The following ZNF536 variants were observed in gnomAD, a reference collection of about 807,000 sequenced individuals.
ZNF536 encodes zinc finger protein 536.
A neutral mutation model predicts 84.5 loss-of-function variants in ZNF536; 13 were observed. The observed-to-expected ratio is 0.15, with a 90% CI of 0.10 to 0.24. The LOEUF (loss-of-function observed/expected upper bound fraction) is 0.24. Among genes scored for constraint, ZNF536 ranks in the 10% least tolerant of loss-of-function variants. The probability of loss-of-function intolerance (pLI) is 1.00; values close to 1 mark genes in which losing one functional copy is unlikely to be tolerated. For synonymous variants in ZNF536, 811 were observed against 742.5 expected (o/e 1.09, Z -1.50); for missense variants, 1,536 against 1,747.5 (o/e 0.88, Z 2.16).
At chr19:30,404,482 C>G (rs958550743) in intron 1 of ZNF536, among the ~76,000 whole-genome samples, 1 of 152,174 alleles carries the variant, frequency 6.6e-6, no homozygotes, top group Non-Finnish European at 1.5e-5. Context: ...AAACTTTAGG[C>G]AAGTTATTTA....
chr19:30,287,069 G>T (rs1034871539), intron 2 of ZNF536, among the ~76,000 whole-genome samples: 21 of 152,202 alleles, frequency 1.4e-4, no homozygotes, highest in African/African-American at 5.1e-4. Context: ...CTCTCCTACT[G>T]CGACGTAAGA....
intron 1 of ZNF536, among the ~76,000 whole-genome samples, chr19:30,628,998 T>C (rs1032295989): frequency 1.1e-4 from 16 of 152,184 alleles, no homozygotes; most frequent in African/African-American, 3.6e-4. Context: ...CCACTGCGCC[T>C]GGCCCAGGAG....
At chr19:30,247,698 A>G (rs2024360133) in intron 1 of ZNF536, among the ~76,000 whole-genome samples, 2 of 152,106 alleles carry the variant, frequency 1.3e-5, no homozygotes, top group Non-Finnish European at 2.9e-5. Context: ...GTGTGGTGGT[A>G]TACACCTTTA....
intron 1 of ZNF536, among the ~76,000 whole-genome samples, chr19:30,386,400 A>G: frequency 6.6e-6 from 1 of 152,062 alleles, no homozygotes; most frequent in East Asian, 1.9e-4. Flanking sequence ...TTTTTGAGAT[A>G]GGGTCTCACT....
chr19:30,526,596 C>T (rs982226299), intron 2 of ZNF536, among the ~76,000 whole-genome samples: 8 of 144,064 alleles, frequency 5.6e-5, no homozygotes, highest in South Asian at 2.2e-4. Flanking sequence ...TAGTGGCGGG[C>T]GCCTGTAGTC....
chr19:30,545,385 CTTTTTTTTTTTTTT>C (rs772761287), intron 3 of ZNF536, among the ~76,000 whole-genome samples: 9 of 67,678 alleles, frequency 1.3e-4, no homozygotes, highest in East Asian at 4.7e-4. Context: ...TCCCATATGT[CTTTTTTTTTTTTTT>C]TTTTTTTTTT....
chr19:30,379,192 C>T (rs773926821), intron 1 of ZNF536, among the ~76,000 whole-genome samples: 2 of 152,108 alleles, frequency 1.3e-5, no homozygotes, highest in Admixed American at 6.5e-5. Flanking sequence ...CTGACAATAC[C>T]GTGGGAAGGT....
intron 3 of ZNF536, among the ~76,000 whole-genome samples, chr19:30,356,653 T>C (rs1365120596): frequency 1.3e-5 from 2 of 152,190 alleles, no homozygotes; most frequent in Non-Finnish European, 1.5e-5. Flanking sequence ...ATGAGATCGG[T>C]GTGTAAGGTC....
At chr19:30,565,527 G>C (rs1356023677) in intron 1 of ZNF536, among the ~76,000 whole-genome samples, 3 of 152,234 alleles carry the variant, frequency 2.0e-5, no homozygotes, top group Non-Finnish European at 4.4e-5. Flanking sequence ...TGAGGAAACT[G>C]AGGCCAAGAG....
At position 30,240,244 on chromosome 19, in the gene ZNF536, G is replaced by A. The variant is rs548763273; in HGVS notation, c.-190+11571G>A. Among the ~76,000 whole-genome samples, 12 of 152,148 alleles carry A rather than the reference G, an allele frequency of 7.9e-5. No homozygotes were observed. The South Asian group carries it at 2.3e-3, about 29-fold the overall frequency. On this transcript the variant is annotated intron_variant, in intron 1 of 5. Transcript: ENST00000585628. Reference sequence around the variant, plus strand: ...AAAAATTAGCCAGGCATGGTGGCGGGTGCCTGTAATCCCAGCTACTTGGGA... The same window carrying A: ...AAAAATTAGCCAGGCATGGTGGCGGATGCCTGTAATCCCAGCTACTTGGGA...
downstream of ZNF536, among the ~76,000 whole-genome samples, chr19:30,561,071 A>T (rs1235216937): frequency 6.6e-6 from 1 of 152,194 alleles, no homozygotes; most frequent in African/African-American, 2.4e-5. Context: ...ATGGTAACTC[A>T]CTGCTCACAA....
At chr19:30,306,295 C>T (rs2046341949) in intron 2 of ZNF536, among the ~76,000 whole-genome samples, 1 of 149,372 alleles carries the variant, frequency 6.7e-6, no homozygotes, top group Admixed American at 6.8e-5. Flanking sequence ...CCTTGGAATT[C>T]CCAGGACTCA....
chr19:30,585,110 C>A (rs1465818481), intron 1 of ZNF536, among the ~76,000 whole-genome samples: 1 of 151,012 alleles, frequency 6.6e-6, no homozygotes, highest in East Asian at 1.9e-4. Flanking sequence ...ACAGAACTTG[C>A]CACTCAAAAA....
chr19:30,287,658 A>G (rs1163752993), intron 2 of ZNF536, among the ~76,000 whole-genome samples: 58 of 76,732 alleles, frequency 7.6e-4, no homozygotes, highest in Middle Eastern at 0.016. Context: ...GGGTGGGTGG[A>G]TGGATGGGTG....
chr19:30,691,843 T>C (rs2051423234), intron 1 of ZNF536, among the ~76,000 whole-genome samples: 1 of 152,054 alleles, frequency 6.6e-6, no homozygotes. Flanking sequence ...GTATTAAAAG[T>C]GGACAAATGA....
intron 1 of ZNF536, among the ~76,000 whole-genome samples, chr19:30,656,551 C>T (rs964710993): frequency 7.2e-5 from 11 of 152,252 alleles, no homozygotes; most frequent in Admixed American, 3.9e-4. Context: ...TGTGTACAAC[C>T]GGAGCAGTGA....
At position 30,690,040 on chromosome 19, in the gene ZNF536, C is replaced by T. The variant is rs115529556; in HGVS notation, c.170-20717C>T. On this transcript the variant is annotated intron_variant, in intron 1 of 1. Coordinates refer to the ZNF536 transcript ENST00000592773. ...GATTCAGCCAAACTGTGTGTGTAAA[C>T]ACTGTCTTAATTGACTTCAGGTTAG... Among the ~76,000 whole-genome samples, 1,269 of 152,314 alleles carry T rather than the reference C, an allele frequency of 8.3e-3. 16 individuals carry two copies. The highest frequency in any genetic ancestry group is 0.029 in the African/African-American group (1,204 of 41,560).
At chr19:30,567,298 G>A (rs940807697) in intron 1 of ZNF536, among the ~76,000 whole-genome samples, 2 of 152,202 alleles carry the variant, frequency 1.3e-5, no homozygotes, top group Non-Finnish European at 2.9e-5. Flanking sequence ...GTCTTGGAGC[G>A]CGTGGGCGGG....
At chr19:30,683,785 A>G (rs1237785357) in intron 1 of ZNF536, among the ~76,000 whole-genome samples, 1 of 152,158 alleles carries the variant, frequency 6.6e-6, no homozygotes, top group African/African-American at 2.4e-5. Context: ...AGCCTACTCA[A>G]CTATCACCCA....
Sources: gnomAD v4.1 joint callset for allele counts (sites outside exome capture counted in the v4.1 genomes callset) on GRCh38, gnomAD v4.1.1 for gene constraint, MANE v1.5 for transcripts, NCBI Gene and HGNC (gene_info 2026-07-23, HGNC 2026-07-21) for gene names.